The following FTCDNL1 variants were observed in gnomAD, a reference collection of about 807,000 sequenced individuals.
FTCDNL1 encodes formiminotransferase cyclodeaminase N-terminal like, also known as formiminotransferase N-terminal subdomain-containing protein.
FTCDNL1 carries 11 observed loss-of-function variants against 5.9 expected under a neutral mutation model. That is an observed-to-expected ratio of 1.87 (90% confidence interval 1.18 to 3.10). The LOEUF (loss-of-function observed/expected upper bound fraction) is 3.10, where lower values mean the gene tolerates loss of function less well. Ranked by LOEUF, FTCDNL1 falls within the 30% of genes most tolerant of loss-of-function variation. The probability of loss-of-function intolerance (pLI) is 0.00; values close to 1 mark genes in which losing one functional copy is unlikely to be tolerated. For missense variants in FTCDNL1, 115 were observed against 65.5 expected (o/e 1.76, Z -2.61); for synonymous variants, 58 against 24.8 (o/e 2.34, Z -3.99).
the FTCDNL1 span, among the ~76,000 whole-genome samples, chr2:199,749,840 AC>A: frequency 6.6e-6 from 1 of 152,040 alleles, no homozygotes; most frequent in Non-Finnish European, 1.5e-5. Context: ...TGTGGTTTCC[AC>A]CAGAAACAGC....
chr2:199,761,019 G>T (rs776019780), intron 3 of FTCDNL1, among the ~76,000 whole-genome samples: 1 of 152,176 alleles, frequency 6.6e-6, no homozygotes, highest in Non-Finnish European at 1.5e-5. Flanking sequence ...TAAGTCACTT[G>T]CTCTCACTTA....
At chr2:199,697,103 T>G in the FTCDNL1 span, among the ~76,000 whole-genome samples, 4 of 152,084 alleles carry the variant, frequency 2.6e-5, no homozygotes, top group Non-Finnish European at 5.9e-5. Flanking sequence ...AAACCCCATC[T>G]CTACTAAAAA....
the FTCDNL1 span, among the ~76,000 whole-genome samples, chr2:199,715,138 GC>G: frequency 6.6e-6 from 1 of 152,092 alleles, no homozygotes; most frequent in East Asian, 1.9e-4. Context: ...TGCCACAGCA[GC>G]CCTGGGTGCC....
At chr2:199,677,678 A>G in the FTCDNL1 span, among the ~76,000 whole-genome samples, 3 of 152,232 alleles carry the variant, frequency 2.0e-5, no homozygotes, top group Admixed American at 1.3e-4. Flanking sequence ...ATTTTGAAAG[A>G]ATACATATAT....
At chr2:199,806,234 T>C (rs1330363182), downstream of FTCDNL1, among the ~76,000 whole-genome samples, 1 of 152,310 alleles carries the variant, frequency 6.6e-6, no homozygotes, top group Middle Eastern at 3.4e-3. Flanking sequence ...TTGGAGGCCA[T>C]GTGCAGGCTC....
At chr2:199,835,825 T>G (rs1317473081) in intron 3 of FTCDNL1, among the ~76,000 whole-genome samples, 1 of 152,166 alleles carries the variant, frequency 6.6e-6, no homozygotes, top group East Asian at 1.9e-4. Context: ...TACCAAACTC[T>G]GAGTGTTGTA....
chr2:199,749,412 A>G, the FTCDNL1 span, among the ~76,000 whole-genome samples: 3 of 152,178 alleles, frequency 2.0e-5, no homozygotes, highest in Non-Finnish European at 4.4e-5. Flanking sequence ...AATCAACTCA[A>G]TTGGACCACT....
chr2:199,817,355 T>G (rs554894554), intron 4 of FTCDNL1, among the ~76,000 whole-genome samples: 149 of 152,376 alleles, frequency 9.8e-4, no homozygotes, highest in South Asian at 3.3e-3. Context: ...TTCCCCAGTA[T>G]TAAATATTAC....
At chr2:199,693,209 T>C in the FTCDNL1 span, among the ~76,000 whole-genome samples, 1 of 152,208 alleles carries the variant, frequency 6.6e-6, no homozygotes, top group African/African-American at 2.4e-5. Context: ...AATGACAAAG[T>C]AGCTTGCATT....
the FTCDNL1 span, among the ~76,000 whole-genome samples, chr2:199,732,729 T>C: frequency 6.6e-6 from 1 of 152,204 alleles, no homozygotes; most frequent in Middle Eastern, 3.4e-3. Flanking sequence ...TGAAAATATA[T>C]TAAAAAAGGA....
chr2:199,781,430 A>G (rs1262050258), intron 3 of FTCDNL1, among the ~76,000 whole-genome samples: 4 of 152,198 alleles, frequency 2.6e-5, no homozygotes, highest in African/African-American at 9.7e-5. Context: ...GGGCTCCTGA[A>G]TCATCTATAG....
chr2:199,765,556 A>ATTTTTTTTTTTTTT (rs374926252), intron 3 of FTCDNL1, among the ~76,000 whole-genome samples: 13 of 42,662 alleles, frequency 3.0e-4, no homozygotes, highest in African/African-American at 4.5e-4. Flanking sequence ...ATATATATAT[A>ATTTTTTTTTTTTTT]TTTTTTTTTT....
At chr2:199,791,446 A>G (rs1465777149) in intron 3 of FTCDNL1, among the ~76,000 whole-genome samples, 2 of 152,180 alleles carry the variant, frequency 1.3e-5, no homozygotes, top group African/African-American at 2.4e-5. Context: ...GTCAACTATT[A>G]GATTATGATT....
At chr2:199,683,482 C>A in the FTCDNL1 span, among the ~76,000 whole-genome samples, 1 of 151,648 alleles carries the variant, frequency 6.6e-6, no homozygotes, top group Non-Finnish European at 1.5e-5. Context: ...AATTTAAATT[C>A]CCTACAACTT....
chr2:199,668,129 C>T, the FTCDNL1 span, among the ~76,000 whole-genome samples: 11 of 152,224 alleles, frequency 7.2e-5, no homozygotes, highest in African/African-American at 2.2e-4. Context: ...TTACACCACA[C>T]GCTTGACCAC....
At chr2:199,846,767 G>A (rs1370003745) in intron 2 of FTCDNL1, among the ~76,000 whole-genome samples, 1 of 152,146 alleles carries the variant, frequency 6.6e-6, no homozygotes, top group African/African-American at 2.4e-5. Context: ...TTGAATATGT[G>A]TAACCTGGAG....
chr2:199,845,745 A>T (rs990752269), intron 3 of FTCDNL1, among the ~76,000 whole-genome samples: 1 of 152,136 alleles, frequency 6.6e-6, no homozygotes, highest in African/African-American at 2.4e-5. Flanking sequence ...TAGCAGTGAA[A>T]TGAAAGCTGA....
At chr2:199,687,821 T>C in the FTCDNL1 span, among the ~76,000 whole-genome samples, 24 of 152,338 alleles carry the variant, frequency 1.6e-4, no homozygotes, top group South Asian at 2.3e-3. Context: ...ACATTGTCTA[T>C]GTACTTCCTC....
chr2:199,849,944 C>A (rs1020322661), intron 1 of FTCDNL1, among the ~76,000 whole-genome samples: 2 of 151,856 alleles, frequency 1.3e-5, no homozygotes, highest in Non-Finnish European at 2.9e-5. Context: ...ACCACTGTTC[C>A]CTGTGTGAGG....
Sources: gnomAD v4.1 joint callset for allele counts (sites outside exome capture counted in the v4.1 genomes callset) on GRCh38, gnomAD v4.1.1 for gene constraint, MANE v1.5 for transcripts, NCBI Gene and HGNC (gene_info 2026-07-23, HGNC 2026-07-21) for gene names.